Variants in ATF6 observed in about 807,000 individuals in gnomAD.
ATF6 encodes cyclic AMP-dependent transcription factor ATF-6 alpha.
ATF6 carries 53 observed loss-of-function variants against 83.6 expected under a neutral mutation model. The ratio of observed to expected loss-of-function variants is 0.63; its 90% confidence interval spans 0.51 to 0.80. The LOEUF is 0.80. ATF6 is among the 30% of genes least tolerant of loss of function. ATF6 has a pLI of 0.00. For missense variants in ATF6, 744 were observed against 797.9 expected (o/e 0.93, Z 0.81); for synonymous variants, 288 against 285.8 (o/e 1.01, Z -0.08).
At chr1:161,926,838 G>A (rs1688322449) in intron 15 of ATF6, among the ~76,000 whole-genome samples, 1 of 152,004 alleles carries the variant, frequency 6.6e-6, no homozygotes, top group Admixed American at 6.5e-5. Flanking sequence ...ACCTAGAGCA[G>A]GTAAATAAAG....
At chr1:161,947,737 T>C (rs1688777068) in intron 15 of ATF6, among the ~76,000 whole-genome samples, 1 of 151,184 alleles carries the variant, frequency 6.6e-6, no homozygotes, top group Non-Finnish European at 1.5e-5. Flanking sequence ...AATTATTTAG[T>C]GTGCAAGATA....
chr1:161,819,956 C>G (rs933839160), intron 8 of ATF6, 138 bp downstream of exon 8: 10 of 792,854 alleles, frequency 1.3e-5, no homozygotes, highest in African/African-American at 1.8e-5. Context: ...AGTCCTAAAA[C>G]ATTTGCAGTA....
chr1:161,958,667 A>G lies in ATF6; in HGVS notation c.*13A>G, dbSNP rs761655651. On this transcript the variant is annotated 3_prime_UTR_variant, in exon 16 of 16. Transcript: ENST00000367942. ...GTCATTACAATAGCACCCTGCAGCT[A>G]TGCTGGAAAACTGAGCGTGGGACCC... The G allele has an allele frequency of 6.3e-7, 1 of 1,595,492 alleles. No homozygotes were observed. The highest frequency in any genetic ancestry group is 1.7e-5 in the Admixed American group (1 of 58,674).
intron 1 of ATF6, among the ~76,000 whole-genome samples, chr1:161,773,762 G>C (rs1684453392): frequency 6.6e-6 from 1 of 152,144 alleles, no homozygotes; most frequent in Admixed American, 6.5e-5. Context: ...TAATAGTGTG[G>C]GACTGGTGCA....
intron 9 of ATF6, among the ~76,000 whole-genome samples, chr1:161,831,019 G>A (rs968109082): frequency 2.2e-4 from 34 of 152,284 alleles, no homozygotes; most frequent in African/African-American, 7.9e-4. Context: ...GCAACCTACA[G>A]AATGGGAGAA....
At position 161,829,381 on chromosome 1, in the gene ATF6, T is replaced by C. The variant is rs191694464; in HGVS notation, c.1187+8220T>C. On this transcript the variant is annotated intron_variant, in intron 9 of 15. Coordinates refer to ENST00000367942, the MANE Select transcript of ATF6 (RefSeq NM_007348.4). ...GAAAGTTAACAGGGATATCCAGGAA[T>C]TGAACTCAGCTCTGCACCAAGCAGA... is the stretch of plus-strand genomic sequence containing the variant. Among the ~76,000 whole-genome samples the C allele has an allele frequency of 3.0e-3, 449 of 151,944 alleles. 2 individuals carry two copies. Among genetic ancestry groups the C allele is most frequent in the Admixed American group, 0.011 (174 of 15,256 alleles).
chr1:161,854,579 G>A (rs554364740), intron 12 of ATF6, among the ~76,000 whole-genome samples: 2 of 152,286 alleles, frequency 1.3e-5, no homozygotes, highest in African/African-American at 4.8e-5. Context: ...ACAATGTAAA[G>A]ATTTAGGGGA....
At chr1:161,777,154 C>T (rs574707285) in intron 1 of ATF6, among the ~76,000 whole-genome samples, 1 of 151,954 alleles carries the variant, frequency 6.6e-6, no homozygotes, top group Non-Finnish European at 1.5e-5. Context: ...GTATGTGGAG[C>T]GGGGAGCTTG....
chr1:161,768,400 T>G (rs996182029), intron 1 of ATF6, among the ~76,000 whole-genome samples: 1 of 152,224 alleles, frequency 6.6e-6, no homozygotes, highest in Non-Finnish European at 1.5e-5. Flanking sequence ...GTTAACAGTC[T>G]TCTCTTCTTT....
intron 9 of ATF6, among the ~76,000 whole-genome samples, chr1:161,841,442 A>G (rs1686356391): frequency 6.6e-6 from 1 of 152,200 alleles, no homozygotes; most frequent in Non-Finnish European, 1.5e-5. Context: ...AAGACAAAAA[A>G]ACTACAGGGA....
rs1412931428 is a variant in ATF6 at position 161,864,361 on chromosome 1, G to C, written c.1719+1049G>C. 2.0e-5 allele frequency among the ~76,000 whole-genome samples: 3 copies of C among 152,132 alleles called. 1 individual carries two copies. The highest frequency in any genetic ancestry group is 4.4e-5 in the Non-Finnish European group (3 of 68,014). On this transcript the variant is annotated intron_variant, in intron 14 of 15. Coordinates refer to ENST00000367942, the MANE Select transcript of ATF6 (RefSeq NM_007348.4). ...TTCCACAGAGCTAACTGTGGGACTT[G>C]AGTATGTACAGATTTGGAGTTATAC...
At chr1:161,855,739 G>C (rs1686742970) in intron 12 of ATF6, among the ~76,000 whole-genome samples, 1 of 152,172 alleles carries the variant, frequency 6.6e-6, no homozygotes, top group East Asian at 1.9e-4. Flanking sequence ...TTCAAGCAAA[G>C]AAAGTTTTTA....
chr1:161,810,946 T>C (rs995459460), intron 7 of ATF6, among the ~76,000 whole-genome samples: 25 of 152,196 alleles, frequency 1.6e-4, no homozygotes, highest in African/African-American at 3.1e-4. Flanking sequence ...TGTTTATTCT[T>C]TTTTATGACT....
At position 161,870,718 on chromosome 1, in the gene ATF6, A is replaced by T. The variant is rs1687103543; in HGVS notation, c.1719+7406A>T. Among the ~76,000 whole-genome samples, 7 of 151,814 alleles carry T rather than the reference A, an allele frequency of 4.6e-5. No individual in the cohort carries two copies. In the South Asian group the frequency reaches 1.4e-3, roughly 31 times the overall value. Reference sequence around the variant, plus strand: ...TGTTTTTTACTTACACTTTTCAATCACAAAGTCTAAAATAACTTGCTTTAT... The same window carrying T: ...TGTTTTTTACTTACACTTTTCAATCTCAAAGTCTAAAATAACTTGCTTTAT... On this transcript the variant is annotated intron_variant, in intron 14 of 15. Transcript: ENST00000367942.
At chr1:161,832,701 C>T (rs953216250) in intron 9 of ATF6, among the ~76,000 whole-genome samples, 51 of 152,208 alleles carry the variant, frequency 3.4e-4, no homozygotes, top group African/African-American at 1.2e-3. Context: ...GGCAGCGAGG[C>T]TGGGGGAGGG....
At chr1:161,951,248 GA>G (rs1202805441) in intron 15 of ATF6, among the ~76,000 whole-genome samples, 1 of 152,244 alleles carries the variant, frequency 6.6e-6, no homozygotes, top group African/African-American at 2.4e-5. Context: ...AGGTTGAAGA[GA>G]AGTGACTTTG....
intron 14 of ATF6, among the ~76,000 whole-genome samples, chr1:161,883,249 TGAAAG>T (rs1312703941): frequency 2.6e-5 from 4 of 152,054 alleles, no homozygotes; most frequent in East Asian, 1.9e-4. Context: ...ATCAGAAACT[TGAAAG>T]GAAGAGCTCT....
At chr1:161,918,872 A>G (rs1688150580) in intron 15 of ATF6, among the ~76,000 whole-genome samples, 1 of 152,172 alleles carries the variant, frequency 6.6e-6, no homozygotes. Flanking sequence ...AATATGCTGG[A>G]TGGGGATATT....
chr1:161,842,705 G>A (rs951646680), intron 9 of ATF6, among the ~76,000 whole-genome samples: 12 of 152,046 alleles, frequency 7.9e-5, no homozygotes, highest in South Asian at 4.2e-4. Flanking sequence ...ACTAAACAAC[G>A]TACTCATCTC....
Sources: gnomAD v4.1 joint callset for allele counts (sites outside exome capture counted in the v4.1 genomes callset) on GRCh38, gnomAD v4.1.1 for gene constraint, MANE v1.5 for transcripts, NCBI Gene and HGNC (gene_info 2026-07-23, HGNC 2026-07-21) for gene names.